CD226: variants seen among roughly 807,000 people sequenced by gnomAD.
CD226 encodes CD226 antigen.
In CD226, 24 loss-of-function variants were observed where a neutral mutation model predicts 34.9. The ratio of observed to expected loss-of-function variants is 0.69; its 90% CI spans 0.50 to 0.97. The LOEUF (loss-of-function observed/expected upper bound fraction) is 0.97, where lower values mean the gene tolerates loss of function less well. Among genes scored for constraint, CD226 ranks in the 50% least tolerant of loss-of-function variants. The pLI is 0.00. For synonymous variants in CD226, 148 were observed against 147.4 expected, an observed-to-expected ratio of 1.00 and a Z score of -0.03; for missense variants, 397 against 412.7, an observed-to-expected ratio of 0.96 and a Z score of 0.33.
At chr18:69,910,485 T>A (rs189504435) in intron 2 of CD226, among the ~76,000 whole-genome samples, 1 of 152,268 alleles carries the variant, frequency 6.6e-6, no homozygotes, top group East Asian at 1.9e-4. Context: ...ACTGGGCTAG[T>A]ATTCCTCAGG....
At chr18:69,952,375 C>T (rs188236892), upstream of CD226, among the ~76,000 whole-genome samples, 214 of 152,312 alleles carry the variant, frequency 1.4e-3, no homozygotes, top group African/African-American at 5.0e-3. Flanking sequence ...TTCACCACTA[C>T]ATAATAAAAC....
intron 2 of CD226, among the ~76,000 whole-genome samples, chr18:69,920,786 A>C (rs1289349166): frequency 6.9e-6 from 1 of 145,900 alleles, no homozygotes; most frequent in Non-Finnish European, 1.5e-5. Flanking sequence ...TAGCGAAGAC[A>C]GAGTCAGTAT....
At chr18:69,874,972 T>C (rs1983771067) in intron 3 of CD226, among the ~76,000 whole-genome samples, 2 of 152,310 alleles carry the variant, frequency 1.3e-5, no homozygotes, top group Admixed American at 6.5e-5. Flanking sequence ...TCTTTATCTA[T>C]TCATCTGTTG....
chr18:69,881,847 T>C (rs1473477010), intron 3 of CD226, among the ~76,000 whole-genome samples: 1 of 152,228 alleles, frequency 6.6e-6, no homozygotes, highest in Non-Finnish European at 1.5e-5. Flanking sequence ...TGTTGAACTT[T>C]CCTGTATGCC....
intron 2 of CD226, among the ~76,000 whole-genome samples, chr18:69,938,233 T>A (rs2145349105): frequency 6.6e-6 from 1 of 152,282 alleles, no homozygotes; most frequent in South Asian, 2.1e-4. Context: ...CTACTATAAA[T>A]ATGAGTTCTA....
intron 2 of CD226, among the ~76,000 whole-genome samples, chr18:69,945,892 A>C (rs910875504): frequency 3.9e-5 from 6 of 152,130 alleles, no homozygotes; most frequent in African/African-American, 1.4e-4. Context: ...AAACAGAGAG[A>C]GCTAGTGCAG....
chr18:69,928,155 A>G (rs1289904453), intron 2 of CD226, among the ~76,000 whole-genome samples: 1 of 152,228 alleles, frequency 6.6e-6, no homozygotes, highest in East Asian at 1.9e-4. Flanking sequence ...GTTCCCACCC[A>G]GGGGAATACT....
chr18:69,929,322 C>T (rs1353045365), intron 2 of CD226, among the ~76,000 whole-genome samples: 2 of 152,102 alleles, frequency 1.3e-5, no homozygotes, highest in Non-Finnish European at 2.9e-5. Flanking sequence ...CTAGTAACAT[C>T]CCTTCCATCT....
chr18:69,873,405 C>A (rs1254135654), intron 3 of CD226, among the ~76,000 whole-genome samples, 159 bp from the exon 4 acceptor site: 1 of 151,648 alleles, frequency 6.6e-6, no homozygotes, highest in Non-Finnish European at 1.5e-5. Flanking sequence ...GAGAATTTTT[C>A]TTTTAGAGTC....
At chr18:69,866,207 TA>T (rs1983133815) in intron 5 of CD226, among the ~76,000 whole-genome samples, 1 of 152,218 alleles carries the variant, frequency 6.6e-6, no homozygotes, top group Non-Finnish European at 1.5e-5. Flanking sequence ...CTCCACCTCC[TA>T]ATATCATCGC....
intron 2 of CD226, among the ~76,000 whole-genome samples, chr18:69,945,895 TAGTGC>T: frequency 6.6e-6 from 1 of 152,062 alleles, no homozygotes; most frequent in Non-Finnish European, 1.5e-5. Flanking sequence ...CAGAGAGAGC[TAGTGC>T]AGGGGAACTC....
Position 69,910,061 on chromosome 18 carries a change from G to A in CD226, c.383-14016C>T, listed in dbSNP as rs145612712. Among the ~76,000 whole-genome samples the A allele has an allele frequency of 1.3e-3, 201 of 152,322 alleles. 1 individual carries two copies. Among genetic ancestry groups the A allele is most frequent in the African/African-American group, 4.4e-3 (185 of 41,578 alleles). ...TCTGAATGAGAGTTGAACAGGAAAC[G>A]GGAAGAGGAAACACAAGAACGGCAG... On this transcript the variant is annotated intron_variant, in intron 2 of 5. Transcript: ENST00000582621.
chr18:69,900,281 G>C (rs936701008), intron 2 of CD226, among the ~76,000 whole-genome samples: 3 of 152,176 alleles, frequency 2.0e-5, no homozygotes, highest in Admixed American at 2.0e-4. Context: ...GTCTAGTTGA[G>C]AGCGGAGGGT....
At chr18:69,957,154 G>T (rs1247786460), upstream of CD226, 8 of 152,146 alleles carry the variant, frequency 5.3e-5, no homozygotes, top group African/African-American at 1.9e-4. Flanking sequence ...TAATTTGAAA[G>T]GACGCACTTC....
In CD226 at chr18:69,855,922, T is replaced by C. The variant is rs919914593; in HGVS notation, c.*8392A>G. 6.6e-6 allele frequency: 1 copy of C among 152,112 alleles called. No homozygotes were observed. The highest frequency in any genetic ancestry group is 1.5e-5 in the Non-Finnish European group (1 of 67,992). The allele number at this position is 152,112 out of a possible 1,614,324, so 9.4% of individuals were successfully genotyped here. A position where few individuals can be genotyped will look rare whatever the true frequency, so the allele number is the denominator to read the frequency against. ...TGACAGATATCACGATTACCCAATA[T>C]GATCATTACATATTGTATACAGGTA... On this transcript the variant is annotated 3_prime_UTR_variant, in exon 6 of 6. Transcript: ENST00000582621.
At chr18:69,931,816 C>G (rs2055592753) in intron 2 of CD226, among the ~76,000 whole-genome samples, 1 of 152,230 alleles carries the variant, frequency 6.6e-6, no homozygotes, top group Non-Finnish European at 1.5e-5. Flanking sequence ...TTTTTCATCG[C>G]TTGTCTGACT....
chr18:69,948,776 T>G (rs2055821678), upstream of CD226, among the ~76,000 whole-genome samples: 1 of 152,316 alleles, frequency 6.6e-6, no homozygotes, highest in East Asian at 1.9e-4. Flanking sequence ...TCCTCCAAAT[T>G]GTACTGAGTT....
At chr18:69,953,544 G>T (rs141644137) in intron 1 of CD226, among the ~76,000 whole-genome samples, 1 of 152,334 alleles carries the variant, frequency 6.6e-6, no homozygotes, top group African/African-American at 2.4e-5. Flanking sequence ...AAGCAGATTG[G>T]TGATTTGCCA....
Position 69,864,303 on chromosome 18 carries a change from C to T in CD226, c.*11G>A, listed in dbSNP as rs1320981450. 6.2e-7 allele frequency: 1 copy of T among 1,613,558 alleles called. No homozygotes were observed. The stretch of plus-strand genomic sequence containing the variant: ...AGAGTCATTACTAATGCACTCATGT[C>T]AAGAATAAGCTTAAACTCTAGTCTT... On this transcript the variant is annotated 3_prime_UTR_variant, in exon 6 of 6. Transcript: ENST00000582621.
Sources: gnomAD v4.1 joint callset for allele counts (sites outside exome capture counted in the v4.1 genomes callset) on GRCh38, gnomAD v4.1.1 for gene constraint, MANE v1.5 for transcripts, NCBI Gene and HGNC (gene_info 2026-07-23, HGNC 2026-07-21) for gene names.